SSBP2: variants seen among roughly 807,000 people sequenced by gnomAD.
The protein encoded by SSBP2 is single-stranded DNA-binding protein 2.
Under a neutral mutation model 61.8 loss-of-function variants are expected in SSBP2, and 17 were observed. That is an observed-to-expected ratio of 0.28 (90% CI 0.19 to 0.41). The LOEUF (loss-of-function observed/expected upper bound fraction) is 0.41, where lower values mean the gene tolerates loss of function less well. SSBP2 is among the 10% of genes least tolerant of loss of function. The pLI, the probability that SSBP2 is intolerant of heterozygous loss-of-function variation, is 1.00. For missense variants in SSBP2, 310 were observed against 458.7 expected, an observed-to-expected ratio of 0.68 and a Z score of 2.96; for synonymous variants, 139 against 141.3, an observed-to-expected ratio of 0.98 and a Z score of 0.12.
intron 4 of SSBP2, among the ~76,000 whole-genome samples, chr5:81,523,443 A>G (rs1026750757): frequency 1.3e-5 from 2 of 152,022 alleles, no homozygotes; most frequent in Admixed American, 6.6e-5. Context: ...TGGGTGATAC[A>G]TTCACATTTG....
chr5:81,572,078 T>C (rs550872255), intron 4 of SSBP2, among the ~76,000 whole-genome samples: 59 of 152,298 alleles, frequency 3.9e-4, no homozygotes, highest in African/African-American at 1.3e-3. Context: ...TCTCTAACTA[T>C]AGTACCACAC....
At chr5:81,438,585 C>CAT (rs1302849116) in intron 14 of SSBP2, among the ~76,000 whole-genome samples, 3 of 151,958 alleles carry the variant, frequency 2.0e-5, no homozygotes, top group African/African-American at 7.3e-5. Flanking sequence ...ATACCGAATG[C>CAT]ATATATGCAA....
chr5:81,492,281 C>A (rs1766913188), intron 5 of SSBP2, among the ~76,000 whole-genome samples: 1 of 151,782 alleles, frequency 6.6e-6, no homozygotes, highest in South Asian at 2.1e-4. Flanking sequence ...GGTGGGCAGA[C>A]CACTTGAGGC....
chr5:81,484,072 C>T (rs1211251294), intron 6 of SSBP2, among the ~76,000 whole-genome samples: 1 of 152,054 alleles, frequency 6.6e-6, no homozygotes, highest in Non-Finnish European at 1.5e-5. Context: ...ACCAATGTAT[C>T]CCCCACATCT....
chr5:81,601,198 T>C (rs1354089407), intron 4 of SSBP2, among the ~76,000 whole-genome samples: 1 of 152,202 alleles, frequency 6.6e-6, no homozygotes, highest in Non-Finnish European at 1.5e-5. Flanking sequence ...ATGACTCAAT[T>C]TAATAACACA....
chr5:81,532,982 C>T (rs1057128482), intron 4 of SSBP2, among the ~76,000 whole-genome samples: 3 of 151,732 alleles, frequency 2.0e-5, no homozygotes, highest in Non-Finnish European at 2.9e-5. Context: ...CGATAGTAGA[C>T]AGAAAATTAG....
chr5:81,742,501 G>A (rs1757094707), intron 1 of SSBP2, among the ~76,000 whole-genome samples: 1 of 152,160 alleles, frequency 6.6e-6, no homozygotes, highest in Non-Finnish European at 1.5e-5. Flanking sequence ...GTGCTAAGCA[G>A]TGGGAATATG....
chr5:81,564,462 G>A (rs994078699), intron 4 of SSBP2, among the ~76,000 whole-genome samples: 2 of 152,098 alleles, frequency 1.3e-5, no homozygotes, highest in African/African-American at 4.8e-5. Context: ...TCTTAAAATG[G>A]TATATTACAC....
At position 81,497,335 on chromosome 5, in the gene SSBP2, C is replaced by T. The variant is rs553918054; in HGVS notation, c.373-8026G>A. Among the ~76,000 whole-genome samples the T allele has an allele frequency of 2.6e-5, 4 of 152,200 alleles. No homozygotes were observed. In the South Asian group the frequency reaches 6.2e-4, roughly 24 times the overall value. ...AATGGAAGAAAGCAGCTAGCACATT[C>T]GAAGACAGAATGTATGAAGCAAATG... On this transcript the variant is annotated intron_variant, in intron 5 of 16. Transcript: ENST00000320672.
chr5:81,633,108 C>CTTTT lies in SSBP2; in HGVS notation c.197+3445_197+3448dup, dbSNP rs143423636. 2.8e-4 allele frequency among the ~76,000 whole-genome samples: 18 copies of CTTTT among 64,854 alleles called. 1 individual carries two copies. Among genetic ancestry groups the CTTTT allele is most frequent in the African/African-American group, 1.2e-3 (17 of 13,840 alleles). 42.5% of individuals were successfully genotyped at this position (64,854 alleles called of 152,430 possible). A position where few individuals can be genotyped will look rare whatever the true frequency, so the allele number is the denominator to read the frequency against. ...CCTACCTTTTTAGCTGAGCCTCTGT[C>CTTTT]TTTTTTTTTTTTTTTTTTTTTTTTT... On this transcript the variant is annotated intron_variant, in intron 3 of 16. Transcript: ENST00000320672.
chr5:81,602,480 A>T (rs1240138070), intron 4 of SSBP2, among the ~76,000 whole-genome samples: 1 of 152,116 alleles, frequency 6.6e-6, no homozygotes, highest in East Asian at 1.9e-4. Context: ...AGGAGGCATG[A>T]CCTAAAGATA....
At chr5:81,485,275 C>T (rs1157993956) in intron 6 of SSBP2, among the ~76,000 whole-genome samples, 1 of 152,110 alleles carries the variant, frequency 6.6e-6, no homozygotes, top group Non-Finnish European at 1.5e-5. Flanking sequence ...CTATATTGCA[C>T]AGTTTTGTAA....
intron 1 of SSBP2, among the ~76,000 whole-genome samples, chr5:81,659,520 C>T (rs1750508325): frequency 6.6e-6 from 1 of 152,100 alleles, no homozygotes; most frequent in African/African-American, 2.4e-5. Context: ...TGAGAGGACA[C>T]AAACAAATGG....
At chr5:81,493,717 T>C (rs1767071301) in intron 5 of SSBP2, among the ~76,000 whole-genome samples, 1 of 151,820 alleles carries the variant, frequency 6.6e-6, no homozygotes, top group African/African-American at 2.4e-5. Flanking sequence ...GACCATGCCA[T>C]TGCATTCCAG....
At chr5:81,652,860 CATA>C (rs1749852688) in intron 1 of SSBP2, among the ~76,000 whole-genome samples, 1 of 151,762 alleles carries the variant, frequency 6.6e-6, no homozygotes, top group Admixed American at 6.6e-5. Flanking sequence ...ACCCGAGTAG[CATA>C]CACTGTACCC....
At chr5:81,442,827 T>C (rs1450490057) in intron 12 of SSBP2, 104 bp from the exon 13 acceptor site, 1 of 518,454 alleles carries the variant, frequency 1.9e-6, no homozygotes, top group African/African-American at 2.0e-5. Flanking sequence ...CCTCTCTCTA[T>C]ATAAGCTGCA....
intron 4 of SSBP2, among the ~76,000 whole-genome samples, chr5:81,570,944 T>C (rs1285738593): frequency 1.3e-5 from 2 of 152,212 alleles, no homozygotes; most frequent in African/African-American, 2.4e-5. Context: ...TTCCACATTA[T>C]AGCTCTAAAA....
chr5:81,577,723 A>G (rs946537374), intron 4 of SSBP2, among the ~76,000 whole-genome samples: 3 of 151,960 alleles, frequency 2.0e-5, no homozygotes, highest in Admixed American at 6.6e-5. Flanking sequence ...TAACTTGGTA[A>G]GCAAAAAAAA....
intron 1 of SSBP2, among the ~76,000 whole-genome samples, chr5:81,688,956 A>G (rs183689558): frequency 1.1e-3 from 171 of 152,256 alleles, no homozygotes; most frequent in African/African-American, 4.0e-3. Context: ...GTTTTTGAGG[A>G]AACTCAGCAA....
Sources: allele counts gnomAD v4.1 joint callset (sites outside exome capture counted in the v4.1 genomes callset), GRCh38; gene constraint gnomAD v4.1.1; transcripts MANE v1.5; gene names NCBI Gene and HGNC (gene_info 2026-07-23, HGNC 2026-07-21).